The following TLL2 variants were observed in gnomAD, a reference collection of about 807,000 sequenced individuals.
TLL2 encodes the protein tolloid like 2, also known as tolloid-like protein 2.
In TLL2, 106 loss-of-function variants were observed where a neutral mutation model predicts 123.0. The ratio of observed to expected loss-of-function variants is 0.86; its 90% CI spans 0.74 to 1.01. The LOEUF is 1.01. Ranked by LOEUF, TLL2 falls within the 50% of genes least tolerant of loss-of-function variation. The pLI is 0.00. For missense variants in TLL2, 1,332 were observed against 1,336.7 expected (o/e 1.00, Z 0.06); for synonymous variants, 494 against 516.8 (o/e 0.96, Z 0.60).
intron 10 of TLL2, among the ~76,000 whole-genome samples, chr10:96,402,181 T>C (rs576951972): frequency 1.4e-4 from 21 of 152,374 alleles, no homozygotes; most frequent in African/African-American, 5.0e-4. Flanking sequence ...GAATGTGTTC[T>C]TACAAAAGAT....
chr10:96,510,566 C>T (rs1043911236), intron 1 of TLL2, among the ~76,000 whole-genome samples: 1 of 152,186 alleles, frequency 6.6e-6, no homozygotes, highest in Non-Finnish European at 1.5e-5. Context: ...ATATTTCAAG[C>T]ACTGTTCTAA....
At position 96,386,125 on chromosome 10, in the gene TLL2, C is replaced by A; in HGVS notation, c.1943G>T (p.Trp648Leu). Residue 648 changes from tryptophan to leucine, a missense_variant, in exon 15 of 21, where the codon TGG becomes TTG. Coordinates refer to ENST00000357947, the MANE Select transcript of TLL2 (RefSeq NM_012465.4). ...GTACTGAGCGGGGGCCACCACCTGCCAGACACAGTTTTTGTTTGTGGGATA... is the reference window on the plus strand; with the variant it reads ...GTACTGAGCGGGGGCCACCACCTGCAAGACACAGTTTTTGTTTGTGGGATA... ...KEYPTNKNCV[W>L]QVVAPAQYRI... The A allele has an allele frequency of 6.2e-7, 1 of 1,613,030 alleles. No individual in the cohort carries two copies. Among genetic ancestry groups the A allele is most frequent in the Non-Finnish European group, 8.5e-7 (1 of 1,179,520 alleles).
At chr10:96,414,228 C>G (rs1846533289) in intron 7 of TLL2, among the ~76,000 whole-genome samples, 1 of 152,172 alleles carries the variant, frequency 6.6e-6, no homozygotes, top group Admixed American at 6.5e-5. Flanking sequence ...TTAGGCCTCT[C>G]CTTGAATCAG....
At chr10:96,373,926 C>G in intron 18 of TLL2, 117 bp from the exon 19 acceptor site, 1 of 837,392 alleles carries the variant, frequency 1.2e-6, no homozygotes, top group Non-Finnish European at 1.9e-6. Flanking sequence ...GTCCAGCTGG[C>G]TGTGCAGGGG....
chr10:96,411,937 G>A (rs1473345353), intron 8 of TLL2, among the ~76,000 whole-genome samples: 3 of 152,132 alleles, frequency 2.0e-5, no homozygotes, highest in Non-Finnish European at 4.4e-5. Context: ...ACCCCCAAGG[G>A]TTCCATGGAA....
In TLL2 at chr10:96,365,851, T is replaced by A. The variant is rs1189786475; in HGVS notation, c.*2237A>T. Reference sequence around the variant, plus strand: ...ATAAAGGTTTTTCATAAGAGTCCCATTGTTGCAAATTGGCCATATGGTGAC... The same window carrying A: ...ATAAAGGTTTTTCATAAGAGTCCCAATGTTGCAAATTGGCCATATGGTGAC... On this transcript the variant is annotated 3_prime_UTR_variant, in exon 21 of 21. Coordinates refer to ENST00000357947, the MANE Select transcript of TLL2 (RefSeq NM_012465.4). The A allele has an allele frequency of 6.6e-6, 1 of 152,314 alleles. No homozygotes were observed. Among genetic ancestry groups the A allele is most frequent in the East Asian group, 1.9e-4 (1 of 5,184 alleles). The allele number at this position is 152,314 out of a possible 1,614,324, so 9.4% of individuals were successfully genotyped here. A position where few individuals can be genotyped will look rare whatever the true frequency, so the allele number is the denominator to read the frequency against.
intron 1 of TLL2, among the ~76,000 whole-genome samples, chr10:96,492,791 G>A (rs956275890): frequency 3.3e-5 from 5 of 152,164 alleles, no homozygotes; most frequent in African/African-American, 1.2e-4. Flanking sequence ...CTGGGAATGC[G>A]GCATTTCCCA....
rs530240564 is a variant in TLL2, at chr10:96,456,274, G to T, written c.287-10106C>A. Among the ~76,000 whole-genome samples, 5 of 152,308 alleles carry T rather than the reference G, an allele frequency of 3.3e-5. 1 individual carries two copies. The South Asian group carries it at 1.0e-3, about 32-fold the overall frequency. On this transcript the variant is annotated intron_variant, in intron 2 of 20. Coordinates refer to ENST00000357947, the MANE Select transcript of TLL2 (RefSeq NM_012465.4). ...CCTTGCTCCCTGGGCAAGACAAAAG[G>T]TCACCTTCACAAGGAGATCTTTCAG...
intron 9 of TLL2, among the ~76,000 whole-genome samples, chr10:96,406,085 C>A (rs548323522): frequency 6.6e-6 from 1 of 152,294 alleles, no homozygotes; most frequent in Non-Finnish European, 1.5e-5. Context: ...GTAGTGGATG[C>A]TCCCATGGCC....
intron 1 of TLL2, among the ~76,000 whole-genome samples, chr10:96,483,789 G>C (rs989456608): frequency 6.6e-6 from 1 of 152,098 alleles, no homozygotes; most frequent in East Asian, 1.9e-4. Flanking sequence ...CTTCTCCTGG[G>C]TACAAATTAT....
rs561434655 is a variant in TLL2, at chr10:96,398,987, T to C, written c.1268-1685A>G. ...CCCAGGTTCAAGGGATTCTCCTGCCTCACCCTCCCAAGTAGCTGGGACTAC... is the reference window on the plus strand; with the variant it reads ...CCCAGGTTCAAGGGATTCTCCTGCCCCACCCTCCCAAGTAGCTGGGACTAC... On this transcript the variant is annotated intron_variant, in intron 10 of 20. Coordinates refer to ENST00000357947, the MANE Select transcript of TLL2 (RefSeq NM_012465.4). Among the ~76,000 whole-genome samples, 4 of 148,226 alleles carry C rather than the reference T, an allele frequency of 2.7e-5. No homozygotes were observed. The East Asian group carries it at 8.2e-4, about 30-fold the overall frequency.
intron 5 of TLL2, among the ~76,000 whole-genome samples, chr10:96,424,771 TTTTG>T (rs1355357332): frequency 8.7e-5 from 6 of 69,138 alleles, no homozygotes; most frequent in Non-Finnish European, 1.4e-4. Context: ...TTATGTATTG[TTTTG>T]TTTTTTTTGC....
intron 2 of TLL2, among the ~76,000 whole-genome samples, chr10:96,465,668 C>T (rs888557625): frequency 1.1e-4 from 17 of 152,172 alleles, no homozygotes; most frequent in Non-Finnish European, 8.8e-5. Flanking sequence ...AATTAGGACC[C>T]AAGGTGGTGC....
At chr10:96,513,367 G>A in intron 1 of TLL2, 144 bp downstream of exon 1, 2 of 1,044,112 alleles carry the variant, frequency 1.9e-6, no homozygotes, top group Admixed American at 2.5e-5. Context: ...CAATTCCTCG[G>A]AGGCATTGTC....
chr10:96,374,961 CGGGGG>C lies in TLL2; in HGVS notation c.2449-1157_2449-1153del, dbSNP rs558884195. Among the ~76,000 whole-genome samples, 305 of 64,260 alleles carry C rather than the reference CGGGGG, an allele frequency of 4.7e-3. 5 individuals carry two copies. The highest frequency in any genetic ancestry group is 0.018 in the African/African-American group (286 of 15,536). 42.2% of individuals were successfully genotyped at this position (64,260 alleles called of 152,430 possible). ...GAGCAGGGAGACAGGACATTAGTTGCGGGGGGGGGGGGGGGGTGTCAATTCAAAAG... is the reference window on the plus strand; with the variant it reads ...GAGCAGGGAGACAGGACATTAGTTGCGGGGGGGGGGGTGTCAATTCAAAAG... On this transcript the variant is annotated intron_variant, in intron 18 of 20. Transcript: ENST00000357947.
intron 7 of TLL2, among the ~76,000 whole-genome samples, chr10:96,420,074 A>T (rs959185934): frequency 6.6e-6 from 1 of 152,054 alleles, no homozygotes; most frequent in African/African-American, 2.4e-5. Context: ...TATCATTTTT[A>T]TCTCATGTGT....
At chr10:96,475,097 T>C (rs1306584313) in intron 2 of TLL2, among the ~76,000 whole-genome samples, 1 of 152,184 alleles carries the variant, frequency 6.6e-6, no homozygotes, top group African/African-American at 2.4e-5. Context: ...AGGTTCCAGG[T>C]AGACATGGGT....
intron 11 of TLL2, among the ~76,000 whole-genome samples, chr10:96,396,746 TC>T: frequency 1.3e-5 from 2 of 152,188 alleles, no homozygotes; most frequent in East Asian, 3.9e-4. Context: ...CAGAGGCCCT[TC>T]TAAGAAACGC....
intron 2 of TLL2, among the ~76,000 whole-genome samples, chr10:96,477,325 T>C (rs1456483356): frequency 6.7e-6 from 1 of 149,972 alleles, no homozygotes; most frequent in Non-Finnish European, 1.5e-5. Flanking sequence ...TTTCCCTCAT[T>C]CTCCACTTGT....
Sources: gnomAD v4.1 joint callset for allele counts (sites outside exome capture counted in the v4.1 genomes callset) on GRCh38, gnomAD v4.1.1 for gene constraint, MANE v1.5 for transcripts, NCBI Gene and HGNC (gene_info 2026-07-23, HGNC 2026-07-21) for gene names.